Variants in DUT observed in about 807,000 individuals in gnomAD.
DUT encodes the protein deoxyuridine 5'-triphosphate nucleotidohydrolase, mitochondrial.
DUT carries 21 observed loss-of-function variants against 28.8 expected under a neutral mutation model. The observed-to-expected ratio is 0.73, with a 90% confidence interval of 0.52 to 1.05. The LOEUF (loss-of-function observed/expected upper bound fraction) is 1.05, where lower values mean the gene tolerates loss of function less well. Ranked by LOEUF, DUT falls within the 50% of genes least tolerant of loss-of-function variation. DUT has a pLI of 0.00. For missense variants in DUT, 344 were observed against 351.8 expected (o/e 0.98, Z 0.18); for synonymous variants, 147 against 143.7 (o/e 1.02, Z -0.17).
At chr15:48,332,430 G>T in intron 2 of DUT, 24 bp downstream of exon 2, 1 of 1,518,966 alleles carries the variant, frequency 6.6e-7, no homozygotes. Context: ...TGCCGGCGAG[G>T]AGGCTGGGAA....
At chr15:48,332,242 T>C (rs1372184476) in intron 1 of DUT, 26 bp from the exon 2 acceptor site, 1 of 1,580,994 alleles carries the variant, frequency 6.3e-7, no homozygotes, top group Admixed American at 1.8e-5. Flanking sequence ...GCTCGCCTTC[T>C]GGCTCTGCCA....
intron 4 of DUT, among the ~76,000 whole-genome samples, chr15:48,339,832 C>A (rs2042513369): frequency 6.6e-6 from 1 of 152,166 alleles, no homozygotes; most frequent in South Asian, 2.1e-4. Context: ...CCTAGTAATT[C>A]ATTCATAAAG....
chr15:48,334,012 GTTCT>G (rs993382936), intron 2 of DUT, among the ~76,000 whole-genome samples: 10 of 152,152 alleles, frequency 6.6e-5, no homozygotes, highest in African/African-American at 1.4e-4. Context: ...TTTTTTCTTT[GTTCT>G]TTCTTCATTT....
At position 48,331,444 on chromosome 15, in the gene DUT, G is replaced by A; in HGVS notation, c.-72G>A. On this transcript the variant is annotated 5_prime_UTR_variant, in exon 1 of 7. Transcript: ENST00000331200. ...CCGAGGTCATGTTCCCAGGACGGGC[G>A]CGTCTTCAGGGTGGAAGCCTGGCGC... 2.5e-6 allele frequency: 4 copies of A among 1,585,998 alleles called. No homozygotes were observed. Among genetic ancestry groups the A allele is most frequent in the Non-Finnish European group, 3.4e-6 (4 of 1,167,666 alleles).
In DUT at chr15:48,331,474, C is replaced by T. The variant is rs1314821505; in HGVS notation, c.-42C>T. On this transcript the variant is annotated 5_prime_UTR_variant, in exon 1 of 7. Transcript: ENST00000331200. ...TTCAGGGTGGAAGCCTGGCGCACGT[C>T]CGGAGGTGCCGAGGACCCAACCAGC... 1 of 1,606,938 alleles carries T rather than the reference C, an allele frequency of 6.2e-7. No homozygotes were observed. The highest frequency in any genetic ancestry group is 8.5e-7 in the Non-Finnish European group (1 of 1,177,316).
Position 48,337,218 on chromosome 15 carries a change from CTT to C in DUT, c.556+1129_556+1130del, listed in dbSNP as rs28381122. Among the ~76,000 whole-genome samples, 1,039 of 152,296 alleles carry C rather than the reference CTT, an allele frequency of 6.8e-3. 14 individuals are homozygous for C. The highest frequency in any genetic ancestry group is 0.024 in the African/African-American group (998 of 41,566). ...GCAGGGTGGACATTGACAGCCCACT[CTT>C]GGGTTGAGGATTCCTTGGGCTCTGT... On this transcript the variant is annotated intron_variant, in intron 4 of 6. Transcript: ENST00000331200.
In DUT at chr15:48,342,164, T is replaced by A; in HGVS notation, c.*86T>A. ...TTTTTGCTTCAAGTGTTTTGGTGTT[T>A]TGCACTTCTGTAAACTTACTAGCTT... On this transcript the variant is annotated 3_prime_UTR_variant, in exon 7 of 7. Coordinates refer to ENST00000331200, the MANE Select transcript of DUT (RefSeq NM_001025248.2). 1 of 1,000,686 alleles carries A rather than the reference T, an allele frequency of 1.0e-6. No individual in the cohort carries two copies. The highest frequency in any genetic ancestry group is 1.4e-6 in the Non-Finnish European group (1 of 711,662). 62.0% of individuals were successfully genotyped at this position (1,000,686 alleles called of 1,614,324 possible).
chr15:48,332,014 A>C, intron 1 of DUT: 2 of 954,474 alleles, frequency 2.1e-6, no homozygotes, highest in South Asian at 2.2e-5. Context: ...TGAATGTGGA[A>C]AGTTGACTGG....
chr15:48,331,854 T>C (rs28381101), intron 1 of DUT, 59 bp downstream of exon 1: 2 of 821,246 alleles, frequency 2.4e-6, no homozygotes, highest in East Asian at 1.6e-4. Context: ...GGCTTGAGGC[T>C]GTGGGGGAAG....
chr15:48,342,139 T>G lies in DUT; in HGVS notation c.*61T>G. ...CTTTTTCTTAAAAAAAAAAAAAAAG[T>G]TTTTGCTTCAAGTGTTTTGGTGTTT... is the stretch of plus-strand genomic sequence containing the variant. On this transcript the variant is annotated 3_prime_UTR_variant, in exon 7 of 7. Transcript: ENST00000331200. 9 of 1,065,198 alleles carry G rather than the reference T, an allele frequency of 8.4e-6. No individual in the cohort carries two copies. The highest frequency in any genetic ancestry group is 2.7e-5 in the East Asian group (1 of 36,584). 66.0% of individuals were successfully genotyped at this position (1,065,198 alleles called of 1,614,324 possible). A position where few individuals can be genotyped will look rare whatever the true frequency, so the allele number is the denominator to read the frequency against.
At position 48,332,311 on chromosome 15, in the gene DUT, G is replaced by A. The variant is rs1356537049; in HGVS notation, c.324G>A (p.Glu108=). Residue 108 remains glutamate (E), a synonymous_variant, in exon 2 of 7, where the codon GAG becomes GAA. Coordinates refer to ENST00000331200, the MANE Select transcript of DUT (RefSeq NM_001025248.2). ...ISPSKRARPA[E]VGGMQLRFAR... ...CCAGTAAGCGGGCCCGGCCTGCGGA[G>A]GTGGGCGGCATGCAGCTCCGCTTTG... 2 of 1,609,178 alleles carry A rather than the reference G, an allele frequency of 1.2e-6. No homozygotes were observed. The highest frequency in any genetic ancestry group is 1.7e-5 in the Admixed American group (1 of 59,712).
chr15:48,332,648 G>A (rs1360732937), intron 2 of DUT: 8 of 680,334 alleles, frequency 1.2e-5, no homozygotes, highest in Admixed American at 2.0e-5. Context: ...AACGTTTATT[G>A]TGCCCTTCCT....
upstream of DUT, chr15:48,331,389 C>G: frequency 6.7e-6 from 10 of 1,493,202 alleles, no homozygotes; most frequent in Non-Finnish European, 8.9e-6. Flanking sequence ...CCTCTCCACG[C>G]CCCTCGTCCG....
rs746429675 is a variant in DUT, at chr15:48,331,549, T to G, written c.34T>G (p.Tyr12Asp). Residue 12 changes from tyrosine (Y) to aspartate (D), a missense_variant, in exon 1 of 7, where the codon TAC becomes GAC. Transcript: ENST00000331200. ...TPLCPRPALC[Y>D]HFLTSLLRSA... Reference sequence around the variant, plus strand: ...CCTCTGCCCTCGCCCCGCGCTCTGCTACCATTTCCTTACGTCTCTGCTTCG... The same window carrying G: ...CCTCTGCCCTCGCCCCGCGCTCTGCGACCATTTCCTTACGTCTCTGCTTCG... The G allele has an allele frequency of 6.2e-7, 1 of 1,611,250 alleles. No individual in the cohort carries two copies. Among genetic ancestry groups the G allele is most frequent in the Non-Finnish European group, 8.5e-7 (1 of 1,179,254 alleles).
rs28381100 is a variant in DUT, at chr15:48,331,847, T to C, written c.280+52T>C. On this transcript the variant is annotated intron_variant, in intron 1 of 6. Transcript: ENST00000331200. ...GCCGTCTGGAAGGAATCCACGCGGC[T>C]TGAGGCTGTGGGGGAAGTAGGGTGG... The C allele has an allele frequency of 0.013, 12,583 of 1,005,136 alleles. 220 individuals are homozygous for C. The Admixed American group carries it at 0.13, about 11-fold the overall frequency. The allele number at this position is 1,005,136 out of a possible 1,614,324, so 62.3% of individuals were successfully genotyped here.
chr15:48,338,606 T>C (rs2042498977), intron 4 of DUT, among the ~76,000 whole-genome samples: 1 of 152,206 alleles, frequency 6.6e-6, no homozygotes, highest in African/African-American at 2.4e-5. Context: ...TTTGTACTCA[T>C]CATATTGGCC....
At chr15:48,331,194 A>G, upstream of DUT, 1 of 1,519,762 alleles carries the variant, frequency 6.6e-7, no homozygotes, top group Non-Finnish European at 8.8e-7. Context: ...CGCCCCAGGT[A>G]AATCAGTCCA....
chr15:48,336,456 G>C (rs754332538), intron 4 of DUT, among the ~76,000 whole-genome samples: 1 of 152,132 alleles, frequency 6.6e-6, no homozygotes, highest in Non-Finnish European at 1.5e-5. Flanking sequence ...AGTCAGGAGA[G>C]AAAACACTTT....
chr15:48,332,970 A>T (rs1350378510), intron 2 of DUT, among the ~76,000 whole-genome samples: 1 of 152,182 alleles, frequency 6.6e-6, no homozygotes, highest in East Asian at 1.9e-4. Context: ...AACAATCCTT[A>T]ACTAGATAAG....
Sources: gnomAD v4.1 joint callset for allele counts (sites outside exome capture counted in the v4.1 genomes callset) on GRCh38, gnomAD v4.1.1 for gene constraint, MANE v1.5 for transcripts, NCBI Gene and HGNC (gene_info 2026-07-23, HGNC 2026-07-21) for gene names.